Variants in LMAN2L observed in about 807,000 individuals in gnomAD.
LMAN2L encodes VIP36-like protein.
In LMAN2L, 30 loss-of-function variants were observed where a neutral mutation model predicts 44.3. The ratio of observed to expected loss-of-function variants is 0.68; its 90% CI spans 0.51 to 0.92. The LOEUF (loss-of-function observed/expected upper bound fraction) is 0.92, where lower values mean the gene tolerates loss of function less well. Ranked by LOEUF, LMAN2L falls within the 40% of genes least tolerant of loss-of-function variation. The pLI, the probability that LMAN2L is intolerant of heterozygous loss-of-function variation, is 0.00. For missense variants in LMAN2L, 429 were observed against 446.1 expected, an observed-to-expected ratio of 0.96 and a Z score of 0.35; for synonymous variants, 183 against 171.1, an observed-to-expected ratio of 1.07 and a Z score of -0.54.
At chr2:96,710,559 G>A (rs968874743) in intron 6 of LMAN2L, among the ~76,000 whole-genome samples, 3 of 152,290 alleles carry the variant, frequency 2.0e-5, no homozygotes, top group Admixed American at 6.5e-5. Context: ...AGCTACTTGG[G>A]AGGCTGAGGC....
chr2:96,731,515 G>A (rs184603508), intron 4 of LMAN2L, among the ~76,000 whole-genome samples: 89 of 152,074 alleles, frequency 5.9e-4, no homozygotes, highest in African/African-American at 2.0e-3. Context: ...GCGTGGTGGC[G>A]TGTGCCTATA....
intron 4 of LMAN2L, among the ~76,000 whole-genome samples, chr2:96,717,840 TAAA>T (rs1302488358): frequency 4.1e-5 from 5 of 121,994 alleles, no homozygotes; most frequent in Non-Finnish European, 3.5e-5. Flanking sequence ...ACTCTGTCTC[TAAA>T]AAAAAAAAAA....
chr2:96,720,668 C>T (rs1025156475), intron 4 of LMAN2L, among the ~76,000 whole-genome samples: 4 of 152,028 alleles, frequency 2.6e-5, no homozygotes, highest in Admixed American at 2.0e-4. Context: ...CAGCCAGGCG[C>T]GGTGACTCAC....
intron 4 of LMAN2L, among the ~76,000 whole-genome samples, chr2:96,721,482 G>A (rs2078154372): frequency 6.6e-6 from 1 of 151,604 alleles, no homozygotes; most frequent in Admixed American, 6.6e-5. Flanking sequence ...ACAAGTGTAA[G>A]CCACTGTGCC....
intron 4 of LMAN2L, among the ~76,000 whole-genome samples, chr2:96,721,919 A>AG (rs1558955031): frequency 6.6e-6 from 1 of 151,724 alleles, no homozygotes; most frequent in African/African-American, 2.4e-5. Context: ...GGGGAGTTGG[A>AG]GGGGGGGTGG....
At chr2:96,724,994 C>G (rs910938411) in intron 4 of LMAN2L, among the ~76,000 whole-genome samples, 1 of 152,082 alleles carries the variant, frequency 6.6e-6, no homozygotes, top group East Asian at 1.9e-4. Context: ...CCATGCCTGG[C>G]TAATTTTTTT....
intron 1 of LMAN2L, 69 bp downstream of exon 1, chr2:96,739,785 G>A: frequency 1.3e-6 from 2 of 1,516,092 alleles, no homozygotes; most frequent in Non-Finnish European, 1.8e-6. Context: ...CGCCGCCCCC[G>A]CCTCTACCCC....
chr2:96,711,870 A>C lies in LMAN2L; in HGVS notation c.663T>G (p.His221Gln). Residue 221 changes from histidine to glutamine, a missense_variant, in exon 5 of 8, where the codon CAT (histidine) becomes CAG (glutamine). Physicochemically the swap from His to Gln is conservative, Grantham distance 24. Transcript: ENST00000264963. ...TFLVIRYVKRHLTIMMDIDGK... is the reference protein window; with the variant it reads ...TFLVIRYVKRQLTIMMDIDGK... ...CCAGGACAAGGACTCTCACCGTCAAATGCCTCTTGACGTAGCGAATCACCA... is the reference window on the plus strand; with the variant it reads ...CCAGGACAAGGACTCTCACCGTCAACTGCCTCTTGACGTAGCGAATCACCA... The C allele has an allele frequency of 1.2e-6, 2 of 1,614,214 alleles. No individual in the cohort carries two copies. Among genetic ancestry groups the C allele is most frequent in the Non-Finnish European group, 1.7e-6 (2 of 1,180,034 alleles).
At chr2:96,707,906 G>A in intron 6 of LMAN2L, 73 bp from the exon 7 acceptor site, 1 of 1,494,916 alleles carries the variant, frequency 6.7e-7, no homozygotes, top group Non-Finnish European at 9.2e-7. Context: ...CAGTATCTTA[G>A]TTCAAGCCTC....
chr2:96,709,126 G>A (rs569743611), intron 6 of LMAN2L, among the ~76,000 whole-genome samples: 40 of 151,816 alleles, frequency 2.6e-4, no homozygotes, highest in African/African-American at 9.2e-4. Flanking sequence ...TCTCCATGTT[G>A]GTCAGGCTGG....
At chr2:96,708,359 C>T (rs1387924679) in intron 6 of LMAN2L, among the ~76,000 whole-genome samples, 2 of 152,144 alleles carry the variant, frequency 1.3e-5, no homozygotes, top group Non-Finnish European at 2.9e-5. Flanking sequence ...ATGATTTTGC[C>T]CAACTGTAGG....
At chr2:96,711,226 T>A (rs1356939945) in intron 6 of LMAN2L, among the ~76,000 whole-genome samples, 1 of 152,060 alleles carries the variant, frequency 6.6e-6, no homozygotes, top group African/African-American at 2.4e-5. Context: ...AACAAAAGGA[T>A]CTGTACACAC....
intron 6 of LMAN2L, among the ~76,000 whole-genome samples, chr2:96,708,591 G>A (rs2077837780): frequency 6.6e-6 from 1 of 152,164 alleles, no homozygotes; most frequent in South Asian, 2.1e-4. Flanking sequence ...AGCACAGTAA[G>A]AACAGACAAA....
intron 4 of LMAN2L, among the ~76,000 whole-genome samples, chr2:96,715,852 C>G (rs1409381370): frequency 6.6e-6 from 1 of 152,312 alleles, no homozygotes; most frequent in Non-Finnish European, 1.5e-5. Context: ...TCACTTATAG[C>G]TGTGTAACCC....
intron 4 of LMAN2L, among the ~76,000 whole-genome samples, chr2:96,724,699 T>A (rs184778440): frequency 2.0e-5 from 3 of 152,228 alleles, no homozygotes; most frequent in Admixed American, 1.3e-4. Context: ...CAGGCTGGAG[T>A]GAAGTGGCGC....
intron 6 of LMAN2L, 23 bp from the exon 7 acceptor site, chr2:96,707,856 T>C: frequency 6.2e-7 from 1 of 1,612,170 alleles, no homozygotes; most frequent in Non-Finnish European, 8.5e-7. Flanking sequence ...GGAAGAAGGA[T>C]GACTTGTGCC....
chr2:96,736,584 T>C (rs114727844), intron 2 of LMAN2L, among the ~76,000 whole-genome samples: 3,819 of 152,298 alleles, frequency 0.025, 189 homozygotes, highest in African/African-American at 0.088. Context: ...AACAAACCTG[T>C]AGAAGTGTAA....
In LMAN2L at chr2:96,739,861, G is replaced by A; in HGVS notation, c.180C>T (p.Pro60=). The A allele has an allele frequency of 1.2e-6, 2 of 1,613,668 alleles. No individual in the cohort carries two copies. Among genetic ancestry groups the A allele is most frequent in the Non-Finnish European group, 1.7e-6 (2 of 1,180,006 alleles). ...TCACCCTGGGCGCCTCACCCTGGTA[G>A]GGCTTCGACAGCGAGTGCTCCCGTT... ...YLKREHSLSK[P]YQGVGTGSSS... The change falls in exon 1 of 8, where the codon CCC becomes CCT. Residue 60 remains proline, a synonymous_variant. Transcript: ENST00000264963.
intron 6 of LMAN2L, among the ~76,000 whole-genome samples, chr2:96,709,439 C>A (rs770929714): frequency 1.3e-5 from 2 of 152,146 alleles, no homozygotes; most frequent in Non-Finnish European, 2.9e-5. Context: ...TATTTAGAGA[C>A]CACAAATCTG....
Sources: allele counts gnomAD v4.1 joint callset (sites outside exome capture counted in the v4.1 genomes callset), GRCh38; gene constraint gnomAD v4.1.1; transcripts MANE v1.5; gene names NCBI Gene and HGNC (gene_info 2026-07-23, HGNC 2026-07-21).